Variants in CNTLN observed in about 807,000 individuals in gnomAD.
CNTLN encodes centlein.
Under a neutral mutation model 180.0 loss-of-function variants are expected in CNTLN, and 212 were observed. That is an observed-to-expected ratio of 1.18 (90% CI 1.05 to 1.32). The LOEUF is 1.32. Ranked by LOEUF, CNTLN falls within the 40% of genes most tolerant of loss-of-function variation. The pLI is 0.00. For missense variants in CNTLN, 2,095 were observed against 1,610.9 expected (o/e 1.30, Z -5.14); for synonymous variants, 722 against 563.1 (o/e 1.28, Z -3.99).
Position 17,466,052 on chromosome 9 carries a change from T to C in CNTLN, c.3603T>C (p.Val1201=), listed in dbSNP as rs765257637. ...ATTCACTAAAGCAAAGACTTAACGT[T>C]GCTGTAAAAGAAAAGTCACAGTATG... ...SIDSLKQRLN[V]AVKEKSQYEQ... The change falls in exon 22 of 26, where the codon GTT becomes GTC. Residue 1201 remains valine (V), a synonymous_variant. Transcript: ENST00000380647. 9.3e-6 allele frequency: 15 copies of C among 1,606,128 alleles called. No homozygotes were observed. Among genetic ancestry groups the C allele is most frequent in the Non-Finnish European group, 1.3e-5 (15 of 1,174,384 alleles).
chr9:17,136,948 C>G lies in CNTLN; in HGVS notation c.360+1523C>G, dbSNP rs556264333. Among the ~76,000 whole-genome samples, 102 of 152,318 alleles carry G rather than the reference C, an allele frequency of 6.7e-4. 2 individuals are homozygous for G. Among genetic ancestry groups the G allele is most frequent in the Admixed American group, 3.1e-3 (48 of 15,304 alleles). On this transcript the variant is annotated intron_variant, in intron 1 of 25. Transcript: ENST00000380647. ...CACTCTTTGGCATATTTTCCGCACT[C>G]TTTCCTCCCACTTCTGCCTCCCCAC...
chr9:17,271,281 C>A (rs987511511), intron 5 of CNTLN, among the ~76,000 whole-genome samples: 5 of 151,914 alleles, frequency 3.3e-5, no homozygotes, highest in Non-Finnish European at 7.4e-5. Context: ...TTTGTGGGGG[C>A]GCACCATAAA....
chr9:17,342,392 T>A lies in CNTLN; in HGVS notation c.1834T>A (p.Trp612Arg), dbSNP rs1328974391. The A allele has an allele frequency of 1.9e-6, 3 of 1,611,544 alleles. No individual in the cohort carries two copies. Among genetic ancestry groups the A allele is most frequent in the East Asian group, 4.5e-5 (2 of 44,752 alleles). Reference protein sequence around the residue: ...QLRQEDSDAVWNELAYFKREN... With the variant: ...QLRQEDSDAVRNELAYFKREN... ...TCGACAAGAAGATTCTGACGCTGTG[T>A]GGAATGAACTGGCATATTTCAAAAG... is the stretch of plus-strand genomic sequence containing the variant. Residue 612 changes from tryptophan (W) to arginine (R), a missense_variant, in exon 12 of 26, where the codon TGG (tryptophan) becomes AGG (arginine). Physicochemically the swap from Trp to Arg is moderately radical, Grantham distance 101. Transcript: ENST00000380647.
chr9:17,156,743 C>G (rs1041109338), intron 2 of CNTLN, among the ~76,000 whole-genome samples: 3 of 152,050 alleles, frequency 2.0e-5, no homozygotes, highest in Non-Finnish European at 4.4e-5. Flanking sequence ...GCAAATATTG[C>G]AATAAAGCAA....
intron 5 of CNTLN, among the ~76,000 whole-genome samples, chr9:17,262,566 G>A (rs773375481): frequency 1.3e-5 from 2 of 151,384 alleles, no homozygotes; most frequent in African/African-American, 2.5e-5. Flanking sequence ...ATACACTGAT[G>A]CCTGTTGTGG....
intron 7 of CNTLN, among the ~76,000 whole-genome samples, chr9:17,308,649 G>A (rs1025871035): frequency 6.6e-6 from 1 of 151,446 alleles, no homozygotes; most frequent in Non-Finnish European, 1.5e-5. Flanking sequence ...TCTTTAGAAT[G>A]ACTTTTTGTT....
the CNTLN span, among the ~76,000 whole-genome samples, chr9:17,513,127 A>T: frequency 6.6e-6 from 1 of 152,116 alleles, no homozygotes; most frequent in South Asian, 2.1e-4. Flanking sequence ...CTATCATTTT[A>T]TACTGGTTGA....
At chr9:17,223,939 G>A (rs921687739) in intron 2 of CNTLN, among the ~76,000 whole-genome samples, 2 of 151,876 alleles carry the variant, frequency 1.3e-5, no homozygotes, top group African/African-American at 4.8e-5. Flanking sequence ...TCTTGCTCTT[G>A]TGTCTTTGCT....
At chr9:17,493,868 A>G (rs983979098) in intron 25 of CNTLN, among the ~76,000 whole-genome samples, 2 of 152,330 alleles carry the variant, frequency 1.3e-5, no homozygotes, top group South Asian at 2.1e-4. Context: ...TATATTGACC[A>G]GAACTCTCTC....
chr9:17,206,220 C>CT (rs998904239), intron 2 of CNTLN, among the ~76,000 whole-genome samples: 18 of 151,988 alleles, frequency 1.2e-4, no homozygotes, highest in Non-Finnish European at 1.5e-5. Context: ...CCAACCTGGA[C>CT]TTTTTTTTAA....
Position 17,457,514 on chromosome 9 carries a change from TA to T in CNTLN, c.3115-2del, listed in dbSNP as rs35399020. ...TATATTTATATTTATTTTCTTTTTT[TA>T]AAAAAAAGAAGCTAAATTTGGATTT... On this transcript the variant is annotated splice_polypyrimidine_tract_variant and intron_variant, in intron 18 of 25. Transcript: ENST00000380647. 1,201,720 of 1,374,924 alleles carry T rather than the reference TA, an allele frequency of 0.87. 530,774 individuals are homozygous for T. The highest frequency in any genetic ancestry group is 0.91 in the Non-Finnish European group (946,331 of 1,045,254). The allele number at this position is 1,374,924 out of a possible 1,614,324, so 85.2% of individuals were successfully genotyped here.
rs914051556 is a variant in CNTLN, at chr9:17,277,122, A to G, written c.983+3256A>G. Among the ~76,000 whole-genome samples the G allele has an allele frequency of 3.9e-5, 3 of 76,388 alleles. 1 individual carries two copies. Among genetic ancestry groups the G allele is most frequent in the Admixed American group, 3.8e-4 (3 of 7,996 alleles). The allele number at this position is 76,388 out of a possible 152,430, so 50.1% of individuals were successfully genotyped here. The stretch of plus-strand genomic sequence containing the variant: ...TTCTTTGAAGTTCATAGTCATTTAT[A>G]TTTTATTGAATATTTGATCCCTGTC... On this transcript the variant is annotated intron_variant, in intron 6 of 25. Coordinates refer to ENST00000380647, the MANE Select transcript of CNTLN (RefSeq NM_017738.4).
chr9:17,405,667 G>A (rs1196042569), intron 15 of CNTLN, among the ~76,000 whole-genome samples: 2 of 151,656 alleles, frequency 1.3e-5, no homozygotes, highest in African/African-American at 4.9e-5. Flanking sequence ...CACATTAAAA[G>A]CTGCACTCAT....
intron 2 of CNTLN, among the ~76,000 whole-genome samples, chr9:17,172,588 C>T (rs1820486610): frequency 6.6e-6 from 1 of 152,120 alleles, no homozygotes; most frequent in East Asian, 1.9e-4. Context: ...TTGCTGTATA[C>T]TGCCTTTAAA....
intron 12 of CNTLN, among the ~76,000 whole-genome samples, chr9:17,365,000 G>T (rs1356715220): frequency 6.6e-6 from 1 of 152,160 alleles, no homozygotes; most frequent in Non-Finnish European, 1.5e-5. Flanking sequence ...TCATTCAGCA[G>T]ATTGTTTTCT....
chr9:17,426,537 T>C lies in CNTLN; in HGVS notation c.3114+10348T>C, dbSNP rs540478270. Among the ~76,000 whole-genome samples, 15 of 151,878 alleles carry C rather than the reference T, an allele frequency of 9.9e-5. 1 individual carries two copies. In the South Asian group the frequency reaches 1.0e-3, roughly 10 times the overall value. Reference sequence around the variant, plus strand: ...GTCATGTTGTATTTATATCCATATGTACATGTATATAATATATATACATTT... The same window carrying C: ...GTCATGTTGTATTTATATCCATATGCACATGTATATAATATATATACATTT... On this transcript the variant is annotated intron_variant, in intron 18 of 25. Coordinates refer to ENST00000380647, the MANE Select transcript of CNTLN (RefSeq NM_017738.4).
chr9:17,362,696 CTT>C (rs1295747543), intron 12 of CNTLN, among the ~76,000 whole-genome samples: 1 of 151,876 alleles, frequency 6.6e-6, no homozygotes, highest in African/African-American at 2.4e-5. Context: ...TGATGACTAT[CTT>C]TATTTTTAAT....
At chr9:17,452,047 A>G (rs1456364350) in intron 18 of CNTLN, among the ~76,000 whole-genome samples, 1 of 152,226 alleles carries the variant, frequency 6.6e-6, no homozygotes, top group East Asian at 1.9e-4. Context: ...TACATGTGCT[A>G]CAACTAGCAA....
At chr9:17,266,974 G>T (rs1025990480) in intron 5 of CNTLN, among the ~76,000 whole-genome samples, 12 of 152,022 alleles carry the variant, frequency 7.9e-5, no homozygotes, top group Admixed American at 6.6e-4. Flanking sequence ...CACACTGATG[G>T]GTCTTGACTC....
Sources: allele counts gnomAD v4.1 joint callset (sites outside exome capture counted in the v4.1 genomes callset), GRCh38; gene constraint gnomAD v4.1.1; transcripts MANE v1.5; gene names NCBI Gene and HGNC (gene_info 2026-07-23, HGNC 2026-07-21).